HAT1: variants seen among roughly 807,000 people sequenced by gnomAD.
HAT1 encodes histone acetyltransferase 1.
HAT1 carries 20 observed loss-of-function variants against 56.6 expected under a neutral mutation model. That is an observed-to-expected ratio of 0.35 (90% CI 0.25 to 0.51). The LOEUF (loss-of-function observed/expected upper bound fraction) is 0.51. HAT1 is among the 20% of genes least tolerant of loss of function. The pLI is 0.95. For missense variants in HAT1, 408 were observed against 504.3 expected (o/e 0.81, Z 1.83); for synonymous variants, 146 against 165.5 (o/e 0.88, Z 0.91).
chr2:171,967,812 T>G (rs1687719151), intron 8 of HAT1, among the ~76,000 whole-genome samples: 3 of 152,148 alleles, frequency 2.0e-5, no homozygotes, highest in Admixed American at 6.5e-5. Context: ...TTACAAACTA[T>G]ACTATTTAAC....
intron 2 of HAT1, among the ~76,000 whole-genome samples, chr2:171,935,634 T>C (rs1051805779): frequency 2.0e-5 from 3 of 151,932 alleles, no homozygotes; most frequent in Non-Finnish European, 4.4e-5. Flanking sequence ...CCCAGCACTT[T>C]GGGAGGCCCA....
chr2:171,926,690 A>G (rs754539803), intron 2 of HAT1, among the ~76,000 whole-genome samples: 4 of 152,192 alleles, frequency 2.6e-5, no homozygotes, highest in African/African-American at 4.8e-5. Flanking sequence ...TGGCCTCCCA[A>G]AGTGTTGGGA....
chr2:171,925,698 TTTC>T (rs1467706498), intron 2 of HAT1, 57 bp downstream of exon 2: 2 of 735,944 alleles, frequency 2.7e-6, no homozygotes, highest in African/African-American at 3.6e-5. Context: ...ATATATAATC[TTTC>T]ATTTTAAATT....
At chr2:171,933,792 T>C (rs1387717708) in intron 2 of HAT1, among the ~76,000 whole-genome samples, 1 of 152,226 alleles carries the variant, frequency 6.6e-6, no homozygotes, top group Admixed American at 6.5e-5. Flanking sequence ...TTTAAATTCA[T>C]TGAGCCTTGT....
At chr2:171,956,519 CA>C (rs1687454338) in intron 4 of HAT1, among the ~76,000 whole-genome samples, 1 of 152,030 alleles carries the variant, frequency 6.6e-6, no homozygotes, top group South Asian at 2.1e-4. Context: ...CTCCAAAAAA[CA>C]AACAAACAAA....
chr2:171,964,569 A>G lies in HAT1; in HGVS notation c.310-769A>G, dbSNP rs1471592764. Among the ~76,000 whole-genome samples, 8 of 152,196 alleles carry G rather than the reference A, an allele frequency of 5.3e-5. No individual in the cohort carries two copies. In the East Asian group the frequency reaches 1.5e-3, roughly 29 times the overall value. On this transcript the variant is annotated intron_variant, in intron 4 of 10. Coordinates refer to ENST00000264108, the MANE Select transcript of HAT1 (RefSeq NM_003642.4). ...AATACTTTATTGTAAGACTTCATCAAATATTCATGGTTAAAGAGAAGTAGT... is the reference window on the plus strand; with the variant it reads ...AATACTTTATTGTAAGACTTCATCAGATATTCATGGTTAAAGAGAAGTAGT...
intron 4 of HAT1, among the ~76,000 whole-genome samples, chr2:171,953,907 A>C (rs1003344607): frequency 6.6e-6 from 1 of 152,148 alleles, no homozygotes; most frequent in Non-Finnish European, 1.5e-5. Flanking sequence ...AGGCAGGAGA[A>C]TTGCTTGAAC....
At chr2:171,943,435 A>AAG (rs1189968425) in intron 2 of HAT1, among the ~76,000 whole-genome samples, 3 of 147,156 alleles carry the variant, frequency 2.0e-5, no homozygotes, top group Non-Finnish European at 3.0e-5. Flanking sequence ...AAAAAAAAAA[A>AAG]GGAAACTAAG....
chr2:171,964,599 G>A (rs545444789), intron 4 of HAT1, among the ~76,000 whole-genome samples: 1 of 152,266 alleles, frequency 6.6e-6, no homozygotes, highest in Non-Finnish European at 1.5e-5. Flanking sequence ...AGTAGTAAAT[G>A]TATTCAATCA....
Position 171,946,694 on chromosome 2 carries a change from G to A in HAT1, c.113-14G>A, listed in dbSNP as rs1459081849. 3 of 1,473,444 alleles carry A rather than the reference G, an allele frequency of 2.0e-6. No individual in the cohort carries two copies. Among genetic ancestry groups the A allele is most frequent in the Admixed American group, 3.7e-5 (2 of 54,656 alleles). The allele number at this position is 1,473,444 out of a possible 1,614,324, so 91.3% of individuals were successfully genotyped here. ...TTATCTTTAATATCTCTATTTTTTT[G>A]TCCCTTGAAACAGTTCGTTTTCCTG... On this transcript the variant is annotated splice_polypyrimidine_tract_variant and intron_variant, in intron 2 of 10. Transcript: ENST00000264108.
chr2:171,939,048 C>T lies in HAT1; in HGVS notation c.113-7660C>T, dbSNP rs141001726. Among the ~76,000 whole-genome samples, 647 of 152,260 alleles carry T rather than the reference C, an allele frequency of 4.2e-3. 3 individuals are homozygous for T. Among genetic ancestry groups the T allele is most frequent in the Non-Finnish European group, 6.9e-3 (471 of 68,000 alleles). On this transcript the variant is annotated intron_variant, in intron 2 of 10. Transcript: ENST00000264108. ...GAGCCACCAGGCCCGGCTTCAAACA[C>T]ACTTTTAAGGCCACCTTCATTTGCT...
intron 2 of HAT1, among the ~76,000 whole-genome samples, chr2:171,926,205 A>G (rs139045722): frequency 9.8e-4 from 149 of 151,944 alleles, no homozygotes; most frequent in Middle Eastern, 3.4e-3. Context: ...GCTGCCTCCA[A>G]CCCCTGGGCT....
rs1687695579 is a variant in HAT1 at position 171,966,932 on chromosome 2, C to T, written c.806C>T (p.Thr269Ile). 1.3e-6 allele frequency: 2 copies of T among 1,495,630 alleles called. No individual in the cohort carries two copies. Among genetic ancestry groups the T allele is most frequent in the Non-Finnish European group, 1.9e-6 (2 of 1,074,070 alleles). The allele number at this position is 1,495,630 out of a possible 1,614,324, so 92.6% of individuals were successfully genotyped here. A position where few individuals can be genotyped will look rare whatever the true frequency, so the allele number is the denominator to read the frequency against. Residue 269 changes from threonine to isoleucine, a missense_variant, in exon 8 of 11, where the codon ACA becomes ATA. Thr to Ile is a moderately conservative substitution (Grantham distance 89, BLOSUM62 -1). Transcript: ENST00000264108. The stretch of plus-strand genomic sequence containing the variant: ...CATAGATACTACACTGAATTTCCTA[C>T]AGTTCTTGATATTACAGGTATGTAA... ...TVHRYYTEFP[T>I]VLDITAEDPS... is the part of the protein sequence containing the mutation.
intron 4 of HAT1, among the ~76,000 whole-genome samples, chr2:171,953,623 T>C (rs1203380902): frequency 0.017 from 273 of 16,224 alleles, 1 homozygote; most frequent in Admixed American, 0.033. Flanking sequence ...AGACCCTGTC[T>C]CTTAAAAAAA....
chr2:171,960,598 T>A (rs1305440402), intron 4 of HAT1, among the ~76,000 whole-genome samples: 2 of 152,214 alleles, frequency 1.3e-5, no homozygotes, highest in African/African-American at 4.8e-5. Context: ...TCAGTCACAA[T>A]TAAGATGCCT....
chr2:171,976,473 C>T (rs1164302033), intron 9 of HAT1, among the ~76,000 whole-genome samples, 165 bp downstream of exon 9: 2 of 152,126 alleles, frequency 1.3e-5, no homozygotes, highest in Non-Finnish European at 2.9e-5. Context: ...AAATCTAGCT[C>T]CAACACTTGC....
rs563036096 is a variant in HAT1 at position 171,934,956 on chromosome 2, A to G, written c.112+9315A>G. On this transcript the variant is annotated intron_variant, in intron 2 of 10. Transcript: ENST00000264108. ...TTTTTAGTAGAGGCGGGGTTTCGCC[A>G]TGTTGGCCAGGCTGGTCTCAAACTC... is the stretch of plus-strand genomic sequence containing the variant. Among the ~76,000 whole-genome samples, 24 of 151,128 alleles carry G rather than the reference A, an allele frequency of 1.6e-4. No individual in the cohort carries two copies. In the East Asian group the frequency reaches 2.8e-3, roughly 18 times the overall value.
intron 3 of HAT1, among the ~76,000 whole-genome samples, chr2:171,947,240 GTTTA>G (rs1055246876): frequency 1.6e-4 from 25 of 151,962 alleles, no homozygotes; most frequent in Non-Finnish European, 2.6e-4. Flanking sequence ...GTTGAGAGAA[GTTTA>G]TTTATTTATT....
chr2:171,958,335 A>AT lies in HAT1; in HGVS notation c.309+5345dup, dbSNP rs769755392. On this transcript the variant is annotated intron_variant, in intron 4 of 10. Transcript: ENST00000264108. Reference sequence around the variant, plus strand: ...CTGCTTTTTCTCTCTCTCTCCCGTTATTTTTTTTTTTAATTTTAAGTTCTG... The same window carrying AT: ...CTGCTTTTTCTCTCTCTCTCCCGTTATTTTTTTTTTTTAATTTTAAGTTCTG... Among the ~76,000 whole-genome samples, 246 of 145,402 alleles carry AT rather than the reference A, an allele frequency of 1.7e-3. 2 individuals are homozygous for AT. The East Asian group carries it at 0.019, about 11-fold the overall frequency.
Sources: gnomAD v4.1 joint callset for allele counts (sites outside exome capture counted in the v4.1 genomes callset) on GRCh38, gnomAD v4.1.1 for gene constraint, MANE v1.5 for transcripts, NCBI Gene and HGNC (gene_info 2026-07-23, HGNC 2026-07-21) for gene names.